FAM76B: variants seen among roughly 807,000 people sequenced by gnomAD.
FAM76B encodes protein FAM76B.
Under a neutral mutation model 51.8 loss-of-function variants are expected in FAM76B, and 16 were observed. That is an observed-to-expected ratio of 0.31 (90% CI 0.21 to 0.47). FAM76B has a LOEUF of 0.47. Ranked by LOEUF, FAM76B falls within the 20% of genes least tolerant of loss-of-function variation. FAM76B has a pLI of 1.00. For synonymous variants in FAM76B, 166 were observed against 129.5 expected (o/e 1.28, Z -1.91); for missense variants, 342 against 392.6 (o/e 0.87, Z 1.09).
chr11:95,789,694 G>C lies in FAM76B; in HGVS notation c.-216C>G, dbSNP rs12786522. The C allele has an allele frequency of 0.32, 161,200 of 500,598 alleles. 28,747 individuals carry two copies. The highest frequency in any genetic ancestry group is 0.38 in the Non-Finnish European group (109,205 of 286,310). The allele number at this position is 500,598 out of a possible 1,614,324, so 31.0% of individuals were successfully genotyped here. ...CCGCCCCAGCCCACCCAGTGACGCCGTGCCAGCCGCTCCCGCTTAGGCCCC... is the reference window on the plus strand; with the variant it reads ...CCGCCCCAGCCCACCCAGTGACGCCCTGCCAGCCGCTCCCGCTTAGGCCCC... On this transcript the variant is annotated 5_prime_UTR_variant, in exon 1 of 10. Coordinates refer to ENST00000358780, the MANE Select transcript of FAM76B (RefSeq NM_144664.5).
chr11:95,779,602 TTTACCTATCTCCA>T lies in FAM76B; in HGVS notation c.684_692+4del, dbSNP rs1565289133. 1 of 1,601,564 alleles carries T rather than the reference TTTACCTATCTCCA, an allele frequency of 6.2e-7. No homozygotes were observed. Among genetic ancestry groups the T allele is most frequent in the Admixed American group, 1.7e-5 (1 of 57,804 alleles). ...TTTCATAACACTAAAAGAATTCATTTTTACCTATCTCCATTAGATGGCTTAGATTCCAATTTGG... is the reference window on the plus strand; with the variant it reads ...TTTCATAACACTAAAAGAATTCATTTTTAGATGGCTTAGATTCCAATTTGG... On this transcript the variant is annotated splice_donor_variant and splice_donor_region_variant and coding_sequence_variant and intron_variant, in exon 7 of 10. Coordinates refer to ENST00000358780, the MANE Select transcript of FAM76B (RefSeq NM_144664.5). LOFTEE classifies it high-confidence loss of function.
At position 95,771,469 on chromosome 11, in the gene FAM76B, A is replaced by G; in HGVS notation, c.*92T>C. 1.1e-6 allele frequency: 1 copy of G among 915,798 alleles called. No homozygotes were observed. The allele number at this position is 915,798 out of a possible 1,614,324, so 56.7% of individuals were successfully genotyped here. A position where few individuals can be genotyped will look rare whatever the true frequency, so the allele number is the denominator to read the frequency against. ...ACACCAATTCATTTGGTGTGCAAAA[A>G]TATTTTTCTACTACACAGAATTTAA... On this transcript the variant is annotated 3_prime_UTR_variant, in exon 10 of 10. Coordinates refer to ENST00000358780, the MANE Select transcript of FAM76B (RefSeq NM_144664.5).
chr11:95,777,532 C>G (rs909765923), intron 8 of FAM76B, among the ~76,000 whole-genome samples: 4 of 151,276 alleles, frequency 2.6e-5, no homozygotes, highest in Admixed American at 2.6e-4. Flanking sequence ...TATATCTGGC[C>G]TGTCTCTAAA....
chr11:95,784,151 G>A (rs1591022725), intron 4 of FAM76B, among the ~76,000 whole-genome samples: 1 of 152,136 alleles, frequency 6.6e-6, no homozygotes. Context: ...TATGGATGGA[G>A]CTGGAGGCCA....
chr11:95,785,701 T>G (rs1860533831), intron 4 of FAM76B, among the ~76,000 whole-genome samples: 1 of 152,150 alleles, frequency 6.6e-6, no homozygotes, highest in Non-Finnish European at 1.5e-5. Flanking sequence ...TCACTGCAGG[T>G]AGACAAAAAC....
chr11:95,779,894 C>T lies in FAM76B; in HGVS notation c.596G>A (p.Gly199Glu). The T allele has an allele frequency of 5.6e-6, 9 of 1,605,748 alleles. No individual in the cohort carries two copies. Among genetic ancestry groups the T allele is most frequent in the Non-Finnish European group, 7.6e-6 (9 of 1,176,476 alleles). ...ATGTATTTACCTCTGTTTCCACAGT[C>T]CCTGCTCTTCTTCTGGACTTAGATT... ...ISNLSPEEEQ[G>E]LWKQSHKSSA... The change falls in exon 6 of 10, where the codon GGA becomes GAA. Residue 199 changes from glycine to glutamate, a missense_variant. Transcript: ENST00000358780.
chr11:95,789,156 C>T, intron 1 of FAM76B: 1 of 1,173,148 alleles, frequency 8.5e-7, no homozygotes, highest in Non-Finnish European at 1.2e-6. Context: ...GCTGACGGGG[C>T]CCGGCACCCT....
chr11:95,783,477 T>C (rs1483637983), intron 4 of FAM76B, among the ~76,000 whole-genome samples: 1 of 152,192 alleles, frequency 6.6e-6, no homozygotes, highest in Non-Finnish European at 1.5e-5. Flanking sequence ...ATAAAACTGA[T>C]GAGGATGACA....
chr11:95,783,077 C>T lies in FAM76B; in HGVS notation c.551G>A (p.Ser184Asn). ...HHHHHHHRHS[S>N]SHHKISNLSP... The stretch of plus-strand genomic sequence containing the variant: ...TCAAAGTACTTACTTGTGATGGCTA[C>T]TGCTGTGACGATGGTGATGGTGATG... Residue 184 changes from serine (S) to asparagine (N), a missense_variant, in exon 5 of 10, where the codon AGT (serine) becomes AAT (asparagine). Transcript: ENST00000358780. 6.2e-7 allele frequency: 1 copy of T among 1,613,720 alleles called. No homozygotes were observed. The highest frequency in any genetic ancestry group is 2.2e-5 in the East Asian group (1 of 44,866).
At chr11:95,778,747 TC>T in intron 8 of FAM76B, 74 bp downstream of exon 8, 4 of 1,462,572 alleles carry the variant, frequency 2.7e-6, no homozygotes, top group Non-Finnish European at 3.6e-6. Context: ...TTAAAGGAAG[TC>T]TAATAAAATT....
rs1227974527 is a variant in FAM76B, at chr11:95,789,771, G to A, written c.-293C>T. 5 of 363,672 alleles carry A rather than the reference G, an allele frequency of 1.4e-5. No homozygotes were observed. The highest frequency in any genetic ancestry group is 4.7e-5 in the East Asian group (1 of 21,102). 22.5% of individuals were successfully genotyped at this position (363,672 alleles called of 1,614,324 possible). A position where few individuals can be genotyped will look rare whatever the true frequency, so the allele number is the denominator to read the frequency against. ...GTAGGGGGTTGCTGTTTAGCTGTGC[G>A]GCCGTGGATCCGCTTCCTTCTCGGC... On this transcript the variant is annotated 5_prime_UTR_variant, in exon 1 of 10. Transcript: ENST00000358780.
intron 1 of FAM76B, chr11:95,788,866 CACAG>C (rs1860776057): frequency 1.4e-6 from 2 of 1,380,154 alleles, no homozygotes; most frequent in Non-Finnish European, 1.9e-6. Context: ...CACCGTTGCT[CACAG>C]ACAGCATCCA....
At chr11:95,779,051 T>C in intron 7 of FAM76B, 94 bp from the exon 8 acceptor site, 2 of 1,594,086 alleles carry the variant, frequency 1.3e-6, no homozygotes, top group Non-Finnish European at 8.5e-7. Flanking sequence ...ACAAACATCC[T>C]TAAGGCTAAT....
intron 9 of FAM76B, among the ~76,000 whole-genome samples, chr11:95,774,996 A>G (rs1859930924): frequency 6.9e-6 from 1 of 145,980 alleles, no homozygotes; most frequent in Non-Finnish European, 1.5e-5. Flanking sequence ...CTTTGGTGTT[A>G]CAATGTGAAA....
chr11:95,774,849 T>G (rs1030208988), intron 9 of FAM76B, among the ~76,000 whole-genome samples: 4 of 151,300 alleles, frequency 2.6e-5, no homozygotes, highest in African/African-American at 9.7e-5. Context: ...TTCAACAGTC[T>G]TTGTAATAGT....
chr11:95,789,749 G>T lies in FAM76B; in HGVS notation c.-271C>A. The T allele has an allele frequency of 2.2e-6, 1 of 447,598 alleles. No homozygotes were observed. Among genetic ancestry groups the T allele is most frequent in the Non-Finnish European group, 3.9e-6 (1 of 253,996 alleles). 27.7% of individuals were successfully genotyped at this position (447,598 alleles called of 1,614,324 possible). ...GCGGCGGAGGGAGACGAAGCGGGTA[G>T]GGGGTTGCTGTTTAGCTGTGCGGCC... On this transcript the variant is annotated 5_prime_UTR_variant, in exon 1 of 10. Coordinates refer to ENST00000358780, the MANE Select transcript of FAM76B (RefSeq NM_144664.5).
At position 95,789,687 on chromosome 11, in the gene FAM76B, T is replaced by C. The variant is rs1233718918; in HGVS notation, c.-209A>G. ...TCCACTTCCGCCCCAGCCCACCCAGTGACGCCGTGCCAGCCGCTCCCGCTT... is the reference window on the plus strand; with the variant it reads ...TCCACTTCCGCCCCAGCCCACCCAGCGACGCCGTGCCAGCCGCTCCCGCTT... On this transcript the variant is annotated 5_prime_UTR_variant, in exon 1 of 10. Transcript: ENST00000358780. 5.9e-6 allele frequency: 3 copies of C among 508,358 alleles called. No homozygotes were observed. Among genetic ancestry groups the C allele is most frequent in the Non-Finnish European group, 1.0e-5 (3 of 291,536 alleles). The allele number at this position is 508,358 out of a possible 1,614,324, so 31.5% of individuals were successfully genotyped here. A position where few individuals can be genotyped will look rare whatever the true frequency, so the allele number is the denominator to read the frequency against.
intron 4 of FAM76B, among the ~76,000 whole-genome samples, chr11:95,784,840 G>A (rs760363005): frequency 2.0e-5 from 3 of 152,016 alleles, no homozygotes; most frequent in Non-Finnish European, 4.4e-5. Flanking sequence ...ACCCACCTCA[G>A]CCTCCCAAAG....
Position 95,769,317 on chromosome 11 carries a change from T to G in FAM76B, c.*2244A>C, listed in dbSNP as rs1336476557. 1 of 152,186 alleles carries G rather than the reference T, an allele frequency of 6.6e-6. No individual in the cohort carries two copies. Among genetic ancestry groups the G allele is most frequent in the Non-Finnish European group, 1.5e-5 (1 of 67,818 alleles). 9.4% of individuals were successfully genotyped at this position (152,186 alleles called of 1,614,324 possible). On this transcript the variant is annotated 3_prime_UTR_variant, in exon 10 of 10. Transcript: ENST00000358780. ...CCAGGACTGGGACTGAATTACTAATTTATACAATTGCAAAAAAATTTAAGT... is the reference window on the plus strand; with the variant it reads ...CCAGGACTGGGACTGAATTACTAATGTATACAATTGCAAAAAAATTTAAGT...
Sources: allele counts gnomAD v4.1 joint callset (sites outside exome capture counted in the v4.1 genomes callset), GRCh38; gene constraint gnomAD v4.1.1; transcripts MANE v1.5; gene names NCBI Gene and HGNC (gene_info 2026-07-23, HGNC 2026-07-21).